The following CFAP221 variants were observed in gnomAD, a reference collection of about 807,000 sequenced individuals.
CFAP221 encodes the protein cilia- and flagella-associated protein 221.
Under a neutral mutation model 113.1 loss-of-function variants are expected in CFAP221, and 97 were observed. The ratio of observed to expected loss-of-function variants is 0.86; its 90% CI spans 0.73 to 1.02. CFAP221 has a LOEUF of 1.02. Ranked by LOEUF, CFAP221 falls within the 50% of genes least tolerant of loss-of-function variation. The pLI, the probability that CFAP221 is intolerant of heterozygous loss-of-function variation, is 0.00. For synonymous variants in CFAP221, 331 were observed against 354.4 expected, an observed-to-expected ratio of 0.93 and a Z score of 0.74; for missense variants, 1,025 against 1,013.4, an observed-to-expected ratio of 1.01 and a Z score of -0.16.
At chr2:119,626,091 G>T (rs549284568) in intron 15 of CFAP221, among the ~76,000 whole-genome samples, 29 of 152,252 alleles carry the variant, frequency 1.9e-4, no homozygotes, top group African/African-American at 6.7e-4. Flanking sequence ...CCAGCTCCTG[G>T]AGTCCACCTG....
At chr2:119,567,325 T>C (rs931087624) in intron 6 of CFAP221, among the ~76,000 whole-genome samples, 5 of 152,246 alleles carry the variant, frequency 3.3e-5, no homozygotes, top group African/African-American at 1.2e-4. Flanking sequence ...TTTTTTTTAC[T>C]GTCACCATAG....
chr2:119,617,658 A>G (rs1574145922), intron 14 of CFAP221, among the ~76,000 whole-genome samples: 1 of 152,160 alleles, frequency 6.6e-6, no homozygotes, highest in Admixed American at 6.5e-5. Context: ...CTCCTCAACT[A>G]CAGCCACAGA....
At chr2:119,620,478 A>T (rs1254956425) in intron 14 of CFAP221, among the ~76,000 whole-genome samples, 1 of 152,218 alleles carries the variant, frequency 6.6e-6, no homozygotes, top group East Asian at 1.9e-4. Context: ...ACAATTTCAT[A>T]TCCAGCCAAA....
At chr2:119,611,534 C>T (rs1249719429) in intron 12 of CFAP221, 119 bp from the exon 13 acceptor site, 1 of 756,894 alleles carries the variant, frequency 1.3e-6, no homozygotes. Context: ...TCACCACTTC[C>T]AATGGGAACG....
In CFAP221 at chr2:119,601,380, A is replaced by G; in HGVS notation, c.791+3A>G. The G allele has an allele frequency of 1.3e-6, 2 of 1,507,452 alleles. No homozygotes were observed. The highest frequency in any genetic ancestry group is 2.8e-5 in the African/African-American group (2 of 72,698). The allele number at this position is 1,507,452 out of a possible 1,614,324, so 93.4% of individuals were successfully genotyped here. A position where few individuals can be genotyped will look rare whatever the true frequency, so the allele number is the denominator to read the frequency against. ...TGCTATCCCAACATGGCCTTACCGT[A>G]TGGCGTCTTTGCAGTGTTTTTGTTT... On this transcript the variant is annotated splice_donor_region_variant and intron_variant, in intron 8 of 23. Coordinates refer to ENST00000413369, the MANE Select transcript of CFAP221 (RefSeq NM_001271049.2).
intron 6 of CFAP221, chr2:119,586,820 C>T (rs924966282): frequency 2.9e-5 from 7 of 239,258 alleles, no homozygotes; most frequent in Admixed American, 1.1e-4. Flanking sequence ...CCAGCACAAT[C>T]GACTACATTA....
intron 7 of CFAP221, among the ~76,000 whole-genome samples, chr2:119,595,833 A>G (rs778546990): frequency 1.3e-5 from 2 of 152,106 alleles, no homozygotes; most frequent in Non-Finnish European, 2.9e-5. Context: ...AGGAAAAGTC[A>G]TGTCAGCTTA....
rs563471593 is a variant in CFAP221, at chr2:119,623,029, CAA to C, written c.1411-2553_1411-2552del. 7.2e-5 allele frequency among the ~76,000 whole-genome samples: 11 copies of C among 152,240 alleles called. No individual in the cohort carries two copies. The South Asian group carries it at 2.3e-3, about 32-fold the overall frequency. ...GGAGGTTCTGGCCAGGGCAATCACA[CAA>C]GAGAAGAAATAAAGGGTATTCAAAT... On this transcript the variant is annotated intron_variant, in intron 14 of 23. Coordinates refer to ENST00000413369, the MANE Select transcript of CFAP221 (RefSeq NM_001271049.2).
Position 119,559,935 on chromosome 2 carries a change from A to G in CFAP221, c.335A>G (p.His112Arg), listed in dbSNP as rs1176098419. 2.0e-6 allele frequency: 3 copies of G among 1,534,124 alleles called. No individual in the cohort carries two copies. The highest frequency in any genetic ancestry group is 2.0e-5 in the Admixed American group (1 of 50,830). ...FEINYVRKEHHLVPGLSLTVT... is the reference protein window; with the variant it reads ...FEINYVRKEHRLVPGLSLTVT... ...ATGCCACCTGTCTTCCAGGAACACC[A>G]CCTGGTCCCTGGCTTGTCCCTCACG... The change falls in exon 5 of 24, where the codon CAC becomes CGC. Residue 112 changes from histidine to arginine, a missense_variant. Transcript: ENST00000413369.
At chr2:119,632,163 G>A (rs1161227720) in intron 19 of CFAP221, among the ~76,000 whole-genome samples, 3 of 152,034 alleles carry the variant, frequency 2.0e-5, no homozygotes, top group African/African-American at 7.2e-5. Flanking sequence ...TCATTCTGGA[G>A]GCTAGTATTA....
Position 119,627,657 on chromosome 2 carries a change from G to A in CFAP221, c.1521G>A (p.Ala507=), listed in dbSNP as rs777988555. 25 of 1,612,670 alleles carry A rather than the reference G, an allele frequency of 1.6e-5. 1 individual carries two copies. The South Asian group carries it at 2.1e-4, about 13-fold the overall frequency. The change falls in exon 16 of 24, where the codon GCG becomes GCA. Residue 507 remains alanine (A), a synonymous_variant. Transcript: ENST00000413369. ...TGCCCTTTTTTTCACCCATAGAGGC[G>A]AATTTCTTCAAATTCTTCCTGAGGC... ...GQAKQSIAQE[A]NFFKFFLRRI...
intron 19 of CFAP221, among the ~76,000 whole-genome samples, chr2:119,637,409 TG>T (rs1372247368): frequency 6.6e-6 from 1 of 152,164 alleles, no homozygotes; most frequent in Non-Finnish European, 1.5e-5. Flanking sequence ...CACTTAAGTT[TG>T]GGGGGACATT....
chr2:119,625,790 C>A, intron 15 of CFAP221, 102 bp downstream of exon 15: 1 of 908,628 alleles, frequency 1.1e-6, no homozygotes, highest in Non-Finnish European at 1.7e-6. Context: ...AAAAAATTTT[C>A]ACCAGTCACA....
In CFAP221 at chr2:119,597,579, G is replaced by C. The variant is rs560810726; in HGVS notation, c.632-3639G>C. On this transcript the variant is annotated intron_variant, in intron 7 of 23. Coordinates refer to ENST00000413369, the MANE Select transcript of CFAP221 (RefSeq NM_001271049.2). ...AATGTTACCAGTAGAGGGTGTCCAGGTTCTTGGCGTTTTGAACAAGGAATT... is the reference window on the plus strand; with the variant it reads ...AATGTTACCAGTAGAGGGTGTCCAGCTTCTTGGCGTTTTGAACAAGGAATT... 3.3e-5 allele frequency among the ~76,000 whole-genome samples: 5 copies of C among 152,284 alleles called. No individual in the cohort carries two copies. In the South Asian group the frequency reaches 1.0e-3, roughly 32 times the overall value.
intron 13 of CFAP221, among the ~76,000 whole-genome samples, 190 bp from the exon 14 acceptor site, chr2:119,615,421 C>G (rs1368996104): frequency 6.6e-6 from 1 of 152,182 alleles, no homozygotes; most frequent in Non-Finnish European, 1.5e-5. Context: ...CCACTTTTGG[C>G]CCCCAACTCA....
intron 11 of CFAP221, among the ~76,000 whole-genome samples, chr2:119,606,748 G>A (rs1684797107): frequency 6.6e-6 from 1 of 152,162 alleles, no homozygotes; most frequent in African/African-American, 2.4e-5. Flanking sequence ...CAGACTTGAA[G>A]TCACATCCCA....
chr2:119,547,798 C>A (rs1680155622), intron 2 of CFAP221, among the ~76,000 whole-genome samples: 6 of 152,022 alleles, frequency 3.9e-5, no homozygotes, highest in Admixed American at 2.6e-4. Flanking sequence ...CAGATGTATC[C>A]TAGAATTATG....
chr2:119,579,357 A>G (rs758917026), intron 6 of CFAP221, among the ~76,000 whole-genome samples: 9 of 152,128 alleles, frequency 5.9e-5, no homozygotes, highest in Non-Finnish European at 1.0e-4. Context: ...GTATTTAACA[A>G]TGAGAATTTA....
chr2:119,630,522 C>T, intron 17 of CFAP221, 48 bp from the exon 18 acceptor site: 10 of 1,440,998 alleles, frequency 6.9e-6, no homozygotes, highest in Non-Finnish European at 9.7e-6. Context: ...TAGATCCCAC[C>T]AAATGGTAAC....
Sources: gnomAD v4.1 joint callset for allele counts (sites outside exome capture counted in the v4.1 genomes callset) on GRCh38, gnomAD v4.1.1 for gene constraint, MANE v1.5 for transcripts, NCBI Gene and HGNC (gene_info 2026-07-23, HGNC 2026-07-21) for gene names.